Variants in ANKS1B observed in about 807,000 individuals in gnomAD.
The protein encoded by ANKS1B is ankyrin repeat and sterile alpha motif domain containing 1B.
Under a neutral mutation model 148.3 loss-of-function variants are expected in ANKS1B, and 36 were observed. The ratio of observed to expected loss-of-function variants is 0.24; its 90% CI spans 0.19 to 0.32. ANKS1B has a LOEUF of 0.32. ANKS1B is among the 10% of genes least tolerant of loss of function. The pLI, the probability that ANKS1B is intolerant of heterozygous loss-of-function variation, is 1.00. For synonymous variants in ANKS1B, 542 were observed against 560.8 expected, an observed-to-expected ratio of 0.97 and a Z score of 0.47; for missense variants, 1,157 against 1,542.6, an observed-to-expected ratio of 0.75 and a Z score of 4.19.
chr12:98,860,020 G>A lies in ANKS1B; in HGVS notation c.2779-27884C>T, dbSNP rs112554852. On this transcript the variant is annotated intron_variant, in intron 17 of 26. Transcript: ENST00000683438. ...ATAAGTACAGCTCCCAGAAACAAAT[G>A]CAAATGGAATGAACAGTTCTTACCA... 4.4e-3 allele frequency among the ~76,000 whole-genome samples: 675 copies of A among 152,282 alleles called. 2 individuals carry two copies. Among genetic ancestry groups the A allele is most frequent in the African/African-American group, 0.016 (655 of 41,558 alleles).
chr12:98,887,286 T>C (rs1302129673), intron 17 of ANKS1B, among the ~76,000 whole-genome samples: 1 of 152,248 alleles, frequency 6.6e-6, no homozygotes, highest in Non-Finnish European at 1.5e-5. Flanking sequence ...CTGTTAACGC[T>C]AAGGAAGCTT....
chr12:99,018,287 C>G (rs1318244086), intron 17 of ANKS1B, among the ~76,000 whole-genome samples: 2 of 152,182 alleles, frequency 1.3e-5, no homozygotes, highest in Non-Finnish European at 2.9e-5. Context: ...TTGTTTGCCC[C>G]TTCTGTCATG....
At chr12:99,530,982 C>T (rs2096982979) in intron 9 of ANKS1B, among the ~76,000 whole-genome samples, 1 of 152,182 alleles carries the variant, frequency 6.6e-6, no homozygotes, top group Non-Finnish European at 1.5e-5. Flanking sequence ...TCCTGAATGA[C>T]ATATTCCTGC....
At chr12:99,844,816 C>T (rs1173679004) in intron 1 of ANKS1B, among the ~76,000 whole-genome samples, 3 of 152,076 alleles carry the variant, frequency 2.0e-5, no homozygotes. Flanking sequence ...AATCTATAAA[C>T]TGCTTTGGGC....
intron 14 of ANKS1B, among the ~76,000 whole-genome samples, chr12:99,209,700 A>G (rs1432083851): frequency 1.3e-5 from 2 of 152,224 alleles, no homozygotes; most frequent in African/African-American, 4.8e-5. Context: ...GAGCAGGAGC[A>G]TCACCATCTT....
chr12:99,615,771 CA>C (rs1371908598), intron 9 of ANKS1B, among the ~76,000 whole-genome samples: 1 of 151,972 alleles, frequency 6.6e-6, no homozygotes, highest in African/African-American at 2.4e-5. Flanking sequence ...CTATGCAACA[CA>C]GTATTGGAAG....
chr12:99,142,628 G>A (rs1387345291), intron 15 of ANKS1B, among the ~76,000 whole-genome samples: 1 of 152,040 alleles, frequency 6.6e-6, no homozygotes, highest in African/African-American at 2.4e-5. Flanking sequence ...TAATACATGT[G>A]TAAGAGTTTA....
At chr12:99,637,351 G>A (rs554335286) in intron 9 of ANKS1B, among the ~76,000 whole-genome samples, 23 of 152,236 alleles carry the variant, frequency 1.5e-4, no homozygotes, top group Non-Finnish European at 2.9e-4. Context: ...TGGTTTGGCT[G>A]TGTCCCCACC....
At chr12:99,740,773 C>G (rs536775922) in intron 8 of ANKS1B, among the ~76,000 whole-genome samples, 4 of 152,196 alleles carry the variant, frequency 2.6e-5, no homozygotes, top group Non-Finnish European at 5.9e-5. Context: ...GTGGGGCATC[C>G]CCTCACCCGG....
intron 1 of ANKS1B, among the ~76,000 whole-genome samples, chr12:99,869,541 C>G (rs1410848967): frequency 6.6e-6 from 1 of 151,898 alleles, no homozygotes; most frequent in Non-Finnish European, 1.5e-5. Flanking sequence ...ATTAGCCAGG[C>G]GTGCTGGAGC....
chr12:99,106,274 A>G (rs913471923), intron 15 of ANKS1B, among the ~76,000 whole-genome samples: 4 of 152,250 alleles, frequency 2.6e-5, no homozygotes, highest in Non-Finnish European at 5.9e-5. Flanking sequence ...AGCCGACATC[A>G]TGGCATAGTG....
chr12:98,845,782 G>A (rs556842042), intron 17 of ANKS1B, among the ~76,000 whole-genome samples: 33 of 150,308 alleles, frequency 2.2e-4, no homozygotes, highest in African/African-American at 6.1e-4. Context: ...TCAATGCTGC[G>A]TATTAACATG....
intron 2 of ANKS1B, among the ~76,000 whole-genome samples, chr12:99,819,195 G>A (rs1304617689): frequency 6.6e-6 from 1 of 151,754 alleles, no homozygotes; most frequent in East Asian, 1.9e-4. Flanking sequence ...TGTTCAAGAT[G>A]GTCAAAAGAT....
intron 8 of ANKS1B, among the ~76,000 whole-genome samples, chr12:99,704,661 A>T (rs896037108): frequency 2.0e-5 from 3 of 152,080 alleles, no homozygotes; most frequent in African/African-American, 7.2e-5. Context: ...CCCTTGCATC[A>T]CAAAATGAGG....
At chr12:99,734,038 A>G (rs1304717967) in intron 8 of ANKS1B, among the ~76,000 whole-genome samples, 1 of 152,182 alleles carries the variant, frequency 6.6e-6, no homozygotes, top group Non-Finnish European at 1.5e-5. Flanking sequence ...TTAATCACCA[A>G]GATAAGCCCT....
intron 17 of ANKS1B, among the ~76,000 whole-genome samples, chr12:98,993,696 T>G (rs1396084505): frequency 6.6e-6 from 1 of 152,220 alleles, no homozygotes; most frequent in Non-Finnish European, 1.5e-5. Context: ...TCATGTGTGA[T>G]ATATTTTGGT....
chr12:98,941,546 C>T (rs997797102), intron 17 of ANKS1B, among the ~76,000 whole-genome samples: 51 of 152,274 alleles, frequency 3.3e-4, no homozygotes, highest in African/African-American at 1.2e-3. Flanking sequence ...CTGAAATGCA[C>T]TGTGAGTATT....
chr12:99,580,718 G>A (rs1466405877), intron 9 of ANKS1B, among the ~76,000 whole-genome samples: 1 of 152,078 alleles, frequency 6.6e-6, no homozygotes, highest in African/African-American at 2.4e-5. Context: ...ATAATTTATT[G>A]TATATTTCAA....
chr12:99,957,184 G>A (rs2095337600), intron 1 of ANKS1B, among the ~76,000 whole-genome samples: 1 of 152,140 alleles, frequency 6.6e-6, no homozygotes, highest in South Asian at 2.1e-4. Flanking sequence ...GAACATACCA[G>A]GTGCTTAATG....
Sources: allele counts gnomAD v4.1 joint callset (sites outside exome capture counted in the v4.1 genomes callset), GRCh38; gene constraint gnomAD v4.1.1; transcripts MANE v1.5; gene names NCBI Gene and HGNC (gene_info 2026-07-23, HGNC 2026-07-21).